The following RP1 variants were observed in gnomAD, a reference collection of about 807,000 sequenced individuals.
RP1 encodes the protein oxygen-regulated protein 1.
In RP1, 16 loss-of-function variants were observed where a neutral mutation model predicts 14.8. The observed-to-expected ratio is 1.08, with a 90% confidence interval of 0.73 to 1.65. The LOEUF (loss-of-function observed/expected upper bound fraction) is 1.65. Ranked by LOEUF, RP1 falls within the 40% of genes most tolerant of loss-of-function variation. The pLI, the probability that RP1 is intolerant of heterozygous loss-of-function variation, is 0.00. For missense variants in RP1, 2,631 were observed against 2,535.0 expected (o/e 1.04, Z -0.81); for synonymous variants, 876 against 883.6 (o/e 0.99, Z 0.15).
At chr8:54,579,587 T>C (rs1804734289) in intron 1 of RP1, among the ~76,000 whole-genome samples, 1 of 152,180 alleles carries the variant, frequency 6.6e-6, no homozygotes, top group Non-Finnish European at 1.5e-5. Context: ...TCAGCATCCT[T>C]ATGACACGTG....
rs777204871 is a variant in RP1 at position 54,679,901 on chromosome 8, T to C, written c.1685T>C (p.Val562Ala). Residue 562 changes from valine to alanine, a missense_variant, in exon 12 of 23, where the codon GTT becomes GCT. Physicochemically the swap from Val to Ala is moderately conservative, Grantham distance 64. Coordinates refer to the RP1 transcript ENST00000636932. ...GTCCGTTTGCATCCAGATGGCACAG[T>C]TGACGCCATTGGAGAGAAGACAGAC... is the stretch of plus-strand genomic sequence containing the variant. 8.5e-6 allele frequency: 13 copies of C among 1,535,948 alleles called. 1 individual carries two copies. The highest frequency in any genetic ancestry group is 3.3e-4 in the Middle Eastern group (2 of 6,012).
chr8:54,684,924 G>T (rs1483578457), intron 12 of RP1, among the ~76,000 whole-genome samples: 1 of 152,078 alleles, frequency 6.6e-6, no homozygotes, highest in Non-Finnish European at 1.5e-5. Flanking sequence ...TCACTTATAA[G>T]TGGGGGCTGA....
At chr8:54,711,810 C>T (rs1490933128) in intron 15 of RP1, among the ~76,000 whole-genome samples, 8 of 151,822 alleles carry the variant, frequency 5.3e-5, no homozygotes, top group Admixed American at 1.3e-4. Flanking sequence ...GCAAGCTTCC[C>T]GGCTGAGACC....
At chr8:54,588,194 T>C (rs1804974466) in intron 1 of RP1, among the ~76,000 whole-genome samples, 3 of 152,230 alleles carry the variant, frequency 2.0e-5, no homozygotes, top group Non-Finnish European at 2.9e-5. Context: ...GGCAGAACTT[T>C]GTGTTATAAA....
chr8:54,871,149 T>G (rs1412112990), exon 29 of RP1: 1 of 152,014 alleles, frequency 6.6e-6, no homozygotes, highest in African/African-American at 2.4e-5. Flanking sequence ...CTAAATCATA[T>G]TCCAAATATC....
intron 1 of RP1, among the ~76,000 whole-genome samples, chr8:54,568,224 T>C (rs147481383): frequency 7.0e-4 from 106 of 152,256 alleles, no homozygotes; most frequent in African/African-American, 2.3e-3. Flanking sequence ...AGCTCAGTGA[T>C]TGGAACAGTG....
At chr8:54,567,220 A>G (rs181032315) in intron 1 of RP1, among the ~76,000 whole-genome samples, 1 of 152,318 alleles carries the variant, frequency 6.6e-6, no homozygotes, top group East Asian at 1.9e-4. Flanking sequence ...CCAAATGCCT[A>G]TTTGACATGT....
intron 17 of RP1, among the ~76,000 whole-genome samples, chr8:54,733,020 G>A (rs937198515): frequency 1.3e-5 from 2 of 152,138 alleles, no homozygotes; most frequent in Non-Finnish European, 2.9e-5. Context: ...GAGTGAGAGT[G>A]ACATGATGAT....
intron 22 of RP1, among the ~76,000 whole-genome samples, chr8:54,762,267 A>C (rs1458648584): frequency 6.6e-6 from 1 of 152,168 alleles, no homozygotes; most frequent in Non-Finnish European, 1.5e-5. Flanking sequence ...ATTAGGGCAG[A>C]GAAAAAGACC....
chr8:54,592,626 G>A (rs1010378086), intron 1 of RP1, among the ~76,000 whole-genome samples: 6 of 152,144 alleles, frequency 3.9e-5, no homozygotes, highest in African/African-American at 4.8e-5. Flanking sequence ...GCAATGAAGA[G>A]CTCTATTTTG....
Position 54,802,959 on chromosome 8 carries a change from A to C in RP1, c.3615+19249A>C, listed in dbSNP as rs368606478. Among the ~76,000 whole-genome samples, 16 of 151,914 alleles carry C rather than the reference A, an allele frequency of 1.1e-4. No individual in the cohort carries two copies. The East Asian group carries it at 1.2e-3, about 11-fold the overall frequency. On this transcript the variant is annotated intron_variant, in intron 24 of 28. Coordinates refer to the RP1 transcript ENST00000637698. ...GTGTTCTATAGAAGCAAGGTAGCTTACTAAGCTCAAGAGAGAAAAAAGCTT... is the reference window on the plus strand; with the variant it reads ...GTGTTCTATAGAAGCAAGGTAGCTTCCTAAGCTCAAGAGAGAAAAAAGCTT...
At chr8:54,776,921 C>A (rs1046822481) in intron 23 of RP1, among the ~76,000 whole-genome samples, 1 of 152,276 alleles carries the variant, frequency 6.6e-6, no homozygotes, top group Admixed American at 6.5e-5. Context: ...AATAGTGATA[C>A]GACAAGCTCT....
At chr8:54,734,914 TG>T (rs1480101261) in intron 18 of RP1, among the ~76,000 whole-genome samples, 1 of 152,176 alleles carries the variant, frequency 6.6e-6, no homozygotes, top group Non-Finnish European at 1.5e-5. Context: ...GAAATATTTT[TG>T]CTCACATATC....
upstream of RP1, among the ~76,000 whole-genome samples, chr8:54,615,261 T>C (rs1218791310): frequency 6.6e-6 from 1 of 152,174 alleles, no homozygotes; most frequent in Non-Finnish European, 1.5e-5. Context: ...AAGTGTGCAG[T>C]TTCATGACCT....
At position 54,627,662 on chromosome 8, in the gene RP1, G is replaced by A; in HGVS notation, c.3780G>A (p.Glu1260=). 6.2e-7 allele frequency: 1 copy of A among 1,614,198 alleles called. No individual in the cohort carries two copies. Among genetic ancestry groups the A allele is most frequent in the Non-Finnish European group, 8.5e-7 (1 of 1,179,998 alleles). ...TGGAAGTGACTTGCTCTCCATGTGA[G>A]ATGTGCACTGTAAATAAGGCTTATT... ...CVLEVTCSPC[E]MCTVNKAYSP... The change falls in exon 4 of 4, where the codon GAG becomes GAA. Residue 1260 remains glutamate, a synonymous_variant. Coordinates refer to ENST00000220676, the MANE Select transcript of RP1 (RefSeq NM_006269.2).
At chr8:54,745,162 A>C (rs774766618) in intron 19 of RP1, among the ~76,000 whole-genome samples, 5 of 152,140 alleles carry the variant, frequency 3.3e-5, no homozygotes, top group Admixed American at 6.6e-5. Context: ...CATTAACCTG[A>C]CTATAAACCA....
At chr8:54,778,574 C>T (rs1000419701) in intron 23 of RP1, among the ~76,000 whole-genome samples, 9 of 152,070 alleles carry the variant, frequency 5.9e-5, no homozygotes, top group African/African-American at 9.7e-5. Context: ...CCGCCCACCT[C>T]GGCCTCCCAA....
chr8:54,606,963 T>G (rs60252463), intron 1 of RP1, among the ~76,000 whole-genome samples: 3,646 of 152,210 alleles, frequency 0.024, 139 homozygotes, highest in African/African-American at 0.08. Flanking sequence ...TTTTCAAGGT[T>G]TTTAACTTCT....
At chr8:54,561,951 T>C (rs1221018715) in intron 1 of RP1, 1 of 152,210 alleles carries the variant, frequency 6.6e-6, no homozygotes, top group Non-Finnish European at 1.5e-5. Flanking sequence ...TGAGAAGGTA[T>C]TTCAAATTTT....
Sources: allele counts gnomAD v4.1 joint callset (sites outside exome capture counted in the v4.1 genomes callset), GRCh38; gene constraint gnomAD v4.1.1; transcripts MANE v1.5; gene names NCBI Gene and HGNC (gene_info 2026-07-23, HGNC 2026-07-21).